LIMS1: variants seen among roughly 807,000 people sequenced by gnomAD.
LIMS1 encodes LIM zinc finger domain containing 1.
A neutral mutation model predicts 44.1 loss-of-function variants in LIMS1; 18 were observed. That is an observed-to-expected ratio of 0.41 (90% CI 0.28 to 0.61). LIMS1 has a LOEUF of 0.61. Among genes scored for constraint, LIMS1 ranks in the 20% least tolerant of loss-of-function variants. LIMS1 has a pLI of 0.32. For missense variants in LIMS1, 201 were observed against 422.0 expected (o/e 0.48, Z 4.59); for synonymous variants, 93 against 149.1 (o/e 0.62, Z 2.74).
chr2:108,615,920 C>T (rs141397266), intron 1 of LIMS1, among the ~76,000 whole-genome samples: 6 of 152,266 alleles, frequency 3.9e-5, no homozygotes, highest in Non-Finnish European at 5.9e-5. Flanking sequence ...AGTTTCCAAA[C>T]GTGGAACTGT....
intron 1 of LIMS1, among the ~76,000 whole-genome samples, chr2:108,562,042 A>G (rs1229831242): frequency 2.6e-5 from 4 of 152,232 alleles, no homozygotes; most frequent in African/African-American, 7.2e-5. Flanking sequence ...ATGCCCGGCC[A>G]GTGATCAGCA....
At chr2:108,575,885 A>G (rs1685654042) in intron 1 of LIMS1, among the ~76,000 whole-genome samples, 1 of 152,076 alleles carries the variant, frequency 6.6e-6, no homozygotes, top group Non-Finnish European at 1.5e-5. Context: ...CCAAAACCAA[A>G]CCAAGAGGTT....
At chr2:108,566,500 T>TA (rs1156571056) in intron 1 of LIMS1, among the ~76,000 whole-genome samples, 1 of 152,206 alleles carries the variant, frequency 6.6e-6, no homozygotes, top group African/African-American at 2.4e-5. Flanking sequence ...GCAGAGCTGT[T>TA]AGAGTTTCAA....
intron 1 of LIMS1, chr2:108,588,297 C>A (rs1573381867): frequency 1.0e-6 from 1 of 983,028 alleles, no homozygotes; most frequent in Admixed American, 6.2e-5. Context: ...AACTTGGTTT[C>A]ATTGGCTCAA....
At chr2:108,608,442 A>AC (rs1687399322) in intron 1 of LIMS1, among the ~76,000 whole-genome samples, 1 of 151,694 alleles carries the variant, frequency 6.6e-6, no homozygotes, top group South Asian at 2.1e-4. Context: ...AGTAGCTGGG[A>AC]CTATAGGCGC....
chr2:108,605,334 T>A (rs979534592), intron 1 of LIMS1, among the ~76,000 whole-genome samples: 3 of 152,194 alleles, frequency 2.0e-5, no homozygotes, highest in Admixed American at 1.3e-4. Flanking sequence ...GGTTCTTTGT[T>A]AATCCTGCAG....
chr2:108,602,569 A>G (rs1363978331), intron 1 of LIMS1, among the ~76,000 whole-genome samples: 2 of 152,190 alleles, frequency 1.3e-5, no homozygotes, highest in Non-Finnish European at 2.9e-5. Context: ...TTTATCCTTC[A>G]TTCTGTTGAT....
At chr2:108,601,736 C>T (rs936118183) in intron 1 of LIMS1, among the ~76,000 whole-genome samples, 1 of 152,198 alleles carries the variant, frequency 6.6e-6, no homozygotes, top group Admixed American at 6.5e-5. Context: ...AGGCTGGTCT[C>T]GAACTCCTGA....
chr2:108,537,427 A>G (rs1684180274), intron 1 of LIMS1, among the ~76,000 whole-genome samples: 1 of 152,218 alleles, frequency 6.6e-6, no homozygotes, highest in South Asian at 2.1e-4. Context: ...GGCTAGTTTT[A>G]GTAGGATGTA....
At chr2:108,612,003 C>CATATATTATATAT (rs1687664962) in intron 1 of LIMS1, among the ~76,000 whole-genome samples, 3 of 122,692 alleles carry the variant, frequency 2.4e-5, no homozygotes, top group East Asian at 2.5e-4. Context: ...ATTATATATA[C>CATATATTATATAT]ACACATATAT....
chr2:108,573,280 C>A (rs1488549970), intron 1 of LIMS1, among the ~76,000 whole-genome samples: 1 of 151,712 alleles, frequency 6.6e-6, no homozygotes, highest in Non-Finnish European at 1.5e-5. Flanking sequence ...ATCAGCAGTC[C>A]TGCTTCTCCC....
chr2:108,653,599 T>A (rs1289012058), intron 1 of LIMS1, among the ~76,000 whole-genome samples: 2 of 152,128 alleles, frequency 1.3e-5, no homozygotes, highest in African/African-American at 2.4e-5. Flanking sequence ...TCTCTAGTGC[T>A]ACATCATGAT....
chr2:108,673,024 C>T, exon 5 of LIMS1: 1 of 1,317,330 alleles, frequency 7.6e-7, no homozygotes, highest in Non-Finnish European at 1.0e-6. Context: ...ACTGCGCCAA[C>T]TGCGGGTACT....
intron 1 of LIMS1, among the ~76,000 whole-genome samples, chr2:108,566,320 G>A (rs1685287241): frequency 6.6e-6 from 1 of 152,164 alleles, no homozygotes; most frequent in Admixed American, 6.5e-5. Flanking sequence ...ATGCATTGAT[G>A]CAATCCCCAG....
At chr2:108,557,650 G>A (rs1044018879) in intron 1 of LIMS1, among the ~76,000 whole-genome samples, 1 of 151,878 alleles carries the variant, frequency 6.6e-6, no homozygotes, top group Non-Finnish European at 1.5e-5. Context: ...CCTAGTAGCT[G>A]GGACTACAGG....
chr2:108,632,775 A>G (rs569240328), intron 1 of LIMS1, among the ~76,000 whole-genome samples: 2 of 152,206 alleles, frequency 1.3e-5, no homozygotes, highest in African/African-American at 4.8e-5. Context: ...GAACTGGAAT[A>G]CTGGCTCAGG....
chr2:108,639,052 A>G (rs1401935447), intron 1 of LIMS1, among the ~76,000 whole-genome samples: 1 of 152,202 alleles, frequency 6.6e-6, no homozygotes, highest in African/African-American at 2.4e-5. Context: ...CAAAAAAAAA[A>G]AAATGTCTAC....
chr2:108,549,268 G>A (rs1045680834), intron 1 of LIMS1, among the ~76,000 whole-genome samples: 2 of 130,752 alleles, frequency 1.5e-5, no homozygotes, highest in Non-Finnish European at 3.2e-5. Context: ...TAATGTACAA[G>A]TAAAGTGTTT....
chr2:108,577,037 G>A (rs1685697123), intron 1 of LIMS1, among the ~76,000 whole-genome samples: 1 of 152,130 alleles, frequency 6.6e-6, no homozygotes, highest in Admixed American at 6.5e-5. Flanking sequence ...CTTGAAAATG[G>A]GTTTTAAACT....
Sources: gnomAD v4.1 joint callset for allele counts (sites outside exome capture counted in the v4.1 genomes callset) on GRCh38, gnomAD v4.1.1 for gene constraint, MANE v1.5 for transcripts, NCBI Gene and HGNC (gene_info 2026-07-23, HGNC 2026-07-21) for gene names.